SUPT3H: variants seen among roughly 807,000 people sequenced by gnomAD.
SUPT3H encodes transcription initiation protein SPT3 homolog.
In SUPT3H, 44 loss-of-function variants were observed where a neutral mutation model predicts 44.3. The ratio of observed to expected loss-of-function variants is 0.99; its 90% confidence interval spans 0.78 to 1.28. The LOEUF (loss-of-function observed/expected upper bound fraction) is 1.28. Ranked by LOEUF, SUPT3H falls within the 50% of genes most tolerant of loss-of-function variation. SUPT3H has a pLI of 0.00. For missense variants in SUPT3H, 380 were observed against 387.1 expected (o/e 0.98, Z 0.15); for synonymous variants, 124 against 125.6 (o/e 0.99, Z 0.09).
At chr6:44,902,617 TCAA>T (rs1191908107) in intron 10 of SUPT3H, among the ~76,000 whole-genome samples, 2 of 152,020 alleles carry the variant, frequency 1.3e-5, no homozygotes, top group African/African-American at 2.4e-5. Flanking sequence ...ATTAGACACA[TCAA>T]CGAGACAGAA....
At chr6:45,041,746 G>C (rs927914177) in intron 3 of SUPT3H, among the ~76,000 whole-genome samples, 1 of 151,900 alleles carries the variant, frequency 6.6e-6, no homozygotes, top group Admixed American at 6.6e-5. Context: ...GTAGTCCTAG[G>C]TACAGGTAAA....
chr6:45,314,674 C>T (rs779756996), intron 2 of SUPT3H, among the ~76,000 whole-genome samples: 37 of 152,098 alleles, frequency 2.4e-4, no homozygotes, highest in Non-Finnish European at 3.8e-4. Context: ...CCTATGCTCA[C>T]GGATGGCCAG....
intron 3 of SUPT3H, among the ~76,000 whole-genome samples, chr6:45,033,664 A>G (rs1787281244): frequency 1.3e-5 from 2 of 152,188 alleles, no homozygotes. Flanking sequence ...TATATACTAT[A>G]TTGAGGAGTG....
intron 2 of SUPT3H, among the ~76,000 whole-genome samples, chr6:45,192,388 A>C (rs778580413): frequency 6.6e-6 from 1 of 152,168 alleles, no homozygotes; most frequent in Non-Finnish European, 1.5e-5. Context: ...CACAAGAATT[A>C]TATTCTTTGA....
At chr6:45,160,481 C>T (rs1410437024) in intron 2 of SUPT3H, among the ~76,000 whole-genome samples, 4 of 151,964 alleles carry the variant, frequency 2.6e-5, no homozygotes, top group Non-Finnish European at 2.9e-5. Flanking sequence ...TGAATGAGCA[C>T]GACACACACA....
chr6:45,212,481 ATGTGTGTGTGTGTGTGTG>A lies in SUPT3H; in HGVS notation c.102-106493_102-106476del, dbSNP rs11269206. 6.8e-3 allele frequency among the ~76,000 whole-genome samples: 297 copies of A among 43,408 alleles called. 1 individual carries two copies. Among genetic ancestry groups the A allele is most frequent in the Non-Finnish European group, 8.2e-3 (201 of 24,528 alleles). The allele number at this position is 43,408 out of a possible 152,430, so 28.5% of individuals were successfully genotyped here. Reference sequence around the variant, plus strand: ...TCTGAAACTTCCCTCCACCTCCACTATGTGTGTGTGTGTGTGTGTGTGTGTGTGTGTGTGTGTGTGTGT... The same window carrying A: ...TCTGAAACTTCCCTCCACCTCCACTATGTGTGTGTGTGTGTGTGTGTGTGT... On this transcript the variant is annotated intron_variant, in intron 2 of 10. Coordinates refer to ENST00000371459, the MANE Select transcript of SUPT3H (RefSeq NM_003599.4).
intron 2 of SUPT3H, among the ~76,000 whole-genome samples, chr6:45,258,626 A>G (rs899785659): frequency 1.3e-5 from 2 of 152,202 alleles, no homozygotes; most frequent in African/African-American, 4.8e-5. Context: ...TCAGTCAGTA[A>G]AAGACTTCAC....
At chr6:44,909,154 T>TGG (rs1349818014) in intron 10 of SUPT3H, among the ~76,000 whole-genome samples, 1 of 151,440 alleles carries the variant, frequency 6.6e-6, no homozygotes, top group Non-Finnish European at 1.5e-5. Context: ...TGTGTGTGTG[T>TGG]GTGTGTGTGT....
intron 2 of SUPT3H, among the ~76,000 whole-genome samples, chr6:45,210,614 GT>G (rs1177289761): frequency 6.6e-6 from 1 of 152,078 alleles, no homozygotes; most frequent in Non-Finnish European, 1.5e-5. Flanking sequence ...AAACCAAGCT[GT>G]GCTCTGACCA....
At chr6:45,271,263 C>T (rs1776094614) in intron 2 of SUPT3H, among the ~76,000 whole-genome samples, 1 of 152,130 alleles carries the variant, frequency 6.6e-6, no homozygotes. Context: ...CAAAATGTCT[C>T]CAGGGAATGT....
At chr6:44,813,495 C>T (rs774317057) in intron 11 of SUPT3H, among the ~76,000 whole-genome samples, 2 of 151,132 alleles carry the variant, frequency 1.3e-5, no homozygotes, top group South Asian at 4.2e-4. Context: ...CAGCCCAGAG[C>T]GTCTATATCT....
intron 2 of SUPT3H, among the ~76,000 whole-genome samples, chr6:45,225,331 G>T (rs1766773151): frequency 6.6e-6 from 1 of 150,756 alleles, no homozygotes. Context: ...TGTCAGACAG[G>T]ATTTTTATGT....
chr6:44,829,847 C>T lies in SUPT3H; in HGVS notation c.923G>A (p.Arg308His), dbSNP rs768935881. ...GGCTAGAAAAGCCATCCCATTCCTG[C>T]GGTAGGCATTCTGTCAAAGAAAAAG... ...GPLSPFTNAY[R>H]RNGMAFLAC is the part of the protein sequence containing the mutation. The change falls in exon 11 of 11, where the codon CGC (arginine) becomes CAC (histidine). Residue 308 changes from arginine (R) to histidine (H), a missense_variant. Coordinates refer to ENST00000371459, the MANE Select transcript of SUPT3H (RefSeq NM_003599.4). The T allele has an allele frequency of 8.7e-5, 140 of 1,612,964 alleles. No individual in the cohort carries two copies. The highest frequency in any genetic ancestry group is 1.1e-4 in the East Asian group (5 of 44,882).
intron 2 of SUPT3H, among the ~76,000 whole-genome samples, chr6:45,175,892 AGACTGGCT>A (rs1192185271): frequency 2.0e-5 from 3 of 152,218 alleles, no homozygotes; most frequent in Non-Finnish European, 2.9e-5. Flanking sequence ...GGTTATTGCT[AGACTGGCT>A]GATTTCCTTT....
At chr6:45,005,515 G>A (rs1027597127) in intron 5 of SUPT3H, among the ~76,000 whole-genome samples, 16 of 151,868 alleles carry the variant, frequency 1.1e-4, no homozygotes, top group East Asian at 3.9e-4. Context: ...TGAGGCGGGC[G>A]GATCACCTGA....
chr6:44,983,651 A>T (rs373630420), intron 6 of SUPT3H, among the ~76,000 whole-genome samples: 108 of 152,342 alleles, frequency 7.1e-4, no homozygotes, highest in African/African-American at 2.6e-3. Flanking sequence ...CATACTTGGC[A>T]GACAGGTAGA....
chr6:44,833,268 G>A (rs925292855), intron 10 of SUPT3H, among the ~76,000 whole-genome samples: 1 of 152,104 alleles, frequency 6.6e-6, no homozygotes, highest in Non-Finnish European at 1.5e-5. Context: ...TAAGAAAGAG[G>A]TTTTGGTTCT....
rs541894482 is a variant in SUPT3H, at chr6:45,247,297, C to G, written c.101+117904G>C. Among the ~76,000 whole-genome samples the G allele has an allele frequency of 2.6e-5, 4 of 152,320 alleles. No homozygotes were observed. The South Asian group carries it at 8.3e-4, about 32-fold the overall frequency. ...TCTTTTGGGGAGCCTGACTGCAGAGCTGGCCTTCAGCTGGCATGTAAAAAC... is the reference window on the plus strand; with the variant it reads ...TCTTTTGGGGAGCCTGACTGCAGAGGTGGCCTTCAGCTGGCATGTAAAAAC... On this transcript the variant is annotated intron_variant, in intron 2 of 10. Transcript: ENST00000371459.
intron 3 of SUPT3H, among the ~76,000 whole-genome samples, chr6:45,041,421 A>G (rs754662297): frequency 6.6e-6 from 1 of 152,168 alleles, no homozygotes; most frequent in Non-Finnish European, 1.5e-5. Flanking sequence ...AACATGTCCA[A>G]AGACTTCTGG....
Sources: allele counts gnomAD v4.1 joint callset (sites outside exome capture counted in the v4.1 genomes callset), GRCh38; gene constraint gnomAD v4.1.1; transcripts MANE v1.5; gene names NCBI Gene and HGNC (gene_info 2026-07-23, HGNC 2026-07-21).